The following CILK1 variants were observed in gnomAD, a reference collection of about 807,000 sequenced individuals.
CILK1 encodes the protein ciliogenesis associated kinase 1.
In CILK1, 47 loss-of-function variants were observed where a neutral mutation model predicts 79.2. That is an observed-to-expected ratio of 0.59 (90% CI 0.47 to 0.76). CILK1 has a LOEUF of 0.76. Among genes scored for constraint, CILK1 ranks in the 30% least tolerant of loss-of-function variants. CILK1 has a pLI of 0.00. For synonymous variants in CILK1, 266 were observed against 275.9 expected (o/e 0.96, Z 0.36); for missense variants, 660 against 769.5 (o/e 0.86, Z 1.68).
intron 1 of CILK1, among the ~76,000 whole-genome samples, chr6:53,045,635 A>C (rs564509131): frequency 6.6e-6 from 1 of 152,156 alleles, no homozygotes; most frequent in Non-Finnish European, 1.5e-5. Flanking sequence ...GGTGTATTAA[A>C]TGTATTTTTG....
intron 5 of CILK1, among the ~76,000 whole-genome samples, chr6:53,021,857 G>C (rs942405437): frequency 6.6e-6 from 1 of 151,304 alleles, no homozygotes; most frequent in African/African-American, 2.4e-5. Context: ...GAGGTACCTA[G>C]AAGGCTTTGT....
intron 1 of CILK1, among the ~76,000 whole-genome samples, chr6:53,044,674 A>C (rs1239420038): frequency 1.3e-5 from 2 of 152,188 alleles, no homozygotes; most frequent in East Asian, 3.8e-4. Flanking sequence ...CACATGTTAA[A>C]GCCCTAACCT....
Position 53,016,107 on chromosome 6 carries a change from G to T in CILK1, c.807C>A (p.Pro269=), listed in dbSNP as rs748908458. Residue 269 remains proline (P), a synonymous_variant, in exon 8 of 14, where the codon CCC becomes CCA. Coordinates refer to ENST00000676107, the MANE Select transcript of CILK1 (RefSeq NM_014920.5). ...QLLRDMLQWD[P]KKRPTASQAL... is the part of the protein sequence containing the mutation. The stretch of plus-strand genomic sequence containing the variant: ...CCTGACTAGCTGTTGGTCGTTTCTT[G>T]GGATCCCACTGAAGCATGTCTCTCA... 15 of 1,613,946 alleles carry T rather than the reference G, an allele frequency of 9.3e-6. No individual in the cohort carries two copies. In the East Asian group the frequency reaches 3.3e-4, roughly 36 times the overall value.
chr6:53,034,639 T>C (rs576851668), intron 3 of CILK1, among the ~76,000 whole-genome samples: 1 of 152,132 alleles, frequency 6.6e-6, no homozygotes, highest in East Asian at 1.9e-4. Flanking sequence ...AAAACAACAA[T>C]GTACTGGGCC....
At chr6:53,029,756 A>G (rs944085486) in intron 5 of CILK1, among the ~76,000 whole-genome samples, 3 of 152,200 alleles carry the variant, frequency 2.0e-5, no homozygotes, top group African/African-American at 7.2e-5. Flanking sequence ...AACTGACTAT[A>G]TTATCAAAGG....
At chr6:53,012,332 G>T in intron 9 of CILK1, 105 bp from the exon 10 acceptor site, 1 of 1,004,200 alleles carries the variant, frequency 1.0e-6, no homozygotes, top group East Asian at 2.6e-5. Context: ...GGAGGCTCCT[G>T]GGGCATAACA....
In CILK1 at chr6:53,004,672, A is replaced by G. The variant is rs1482172569; in HGVS notation, c.*477T>C. 6.3e-6 allele frequency: 1 copy of G among 159,728 alleles called. No homozygotes were observed. Among genetic ancestry groups the G allele is most frequent in the Non-Finnish European group, 1.4e-5 (1 of 72,154 alleles). The allele number at this position is 159,728 out of a possible 1,614,324, so 9.9% of individuals were successfully genotyped here. On this transcript the variant is annotated 3_prime_UTR_variant, in exon 14 of 14. Transcript: ENST00000676107. The stretch of plus-strand genomic sequence containing the variant: ...GAAGTACCTAGTGAGCCACACTTGA[A>G]ATTTCACCACTTCATAAATATCTGC...
chr6:53,044,490 T>C (rs1014024622), intron 1 of CILK1, among the ~76,000 whole-genome samples: 3 of 152,196 alleles, frequency 2.0e-5, no homozygotes, highest in East Asian at 1.9e-4. Context: ...TCTTGGGAAA[T>C]ATACTCTGAA....
At chr6:53,018,271 C>T (rs532147659) in intron 7 of CILK1, 59 bp downstream of exon 7, 288 of 1,519,766 alleles carry the variant, frequency 1.9e-4, no homozygotes, top group Middle Eastern at 5.8e-4. Flanking sequence ...CAGGGCTGAG[C>T]GGAGGAAGCA....
intron 5 of CILK1, among the ~76,000 whole-genome samples, chr6:53,029,087 A>C (rs1335214200): frequency 6.6e-6 from 1 of 152,192 alleles, no homozygotes; most frequent in Non-Finnish European, 1.5e-5. Flanking sequence ...AAAGAATATT[A>C]ACTTTTGTTT....
intron 1 of CILK1, among the ~76,000 whole-genome samples, chr6:53,049,394 G>A (rs145616316): frequency 1.2e-4 from 18 of 152,330 alleles, no homozygotes; most frequent in Non-Finnish European, 2.6e-4. Context: ...TTAGCCTAAT[G>A]TTCATTTGCT....
intron 1 of CILK1, among the ~76,000 whole-genome samples, chr6:53,053,996 GAA>G (rs373868573): frequency 3.0e-4 from 44 of 147,568 alleles, no homozygotes; most frequent in Non-Finnish European, 5.1e-4. Context: ...ATTTGTCTAA[GAA>G]AAAAAAAAGG....
At chr6:53,006,217 T>C in intron 13 of CILK1, 98 bp downstream of exon 13, 1 of 1,150,110 alleles carries the variant, frequency 8.7e-7, no homozygotes, top group Non-Finnish European at 1.3e-6. Flanking sequence ...AAGTTTCATT[T>C]ATTGGTGGAT....
At chr6:53,027,913 C>T (rs890171885) in intron 5 of CILK1, among the ~76,000 whole-genome samples, 10 of 151,936 alleles carry the variant, frequency 6.6e-5, no homozygotes, top group African/African-American at 2.2e-4. Context: ...TTTGGGAGGC[C>T]GAGGCGGGTG....
At chr6:53,023,842 G>C (rs542107811) in intron 5 of CILK1, among the ~76,000 whole-genome samples, 50 of 152,260 alleles carry the variant, frequency 3.3e-4, no homozygotes, top group African/African-American at 1.1e-3. Flanking sequence ...GCATAATGGC[G>C]GATCTGTAGG....
intron 1 of CILK1, among the ~76,000 whole-genome samples, chr6:53,047,945 C>T (rs1347093055): frequency 6.6e-6 from 1 of 151,768 alleles, no homozygotes; most frequent in Non-Finnish European, 1.5e-5. Context: ...ACTGGAGATG[C>T]TCAATAAGCA....
At chr6:53,061,533 C>G (rs1365204213) in intron 1 of CILK1, 63 bp downstream of exon 1, 1 of 152,450 alleles carries the variant, frequency 6.6e-6, no homozygotes, top group Non-Finnish European at 1.5e-5. Flanking sequence ...CCGCCCCATC[C>G]CAGCAGCTAC....
chr6:53,005,227 C>A lies in CILK1; in HGVS notation c.1821G>T (p.Gly607=), dbSNP rs755080568. 1 of 1,614,188 alleles carries A rather than the reference C, an allele frequency of 6.2e-7. No homozygotes were observed. The highest frequency in any genetic ancestry group is 1.1e-5 in the South Asian group (1 of 91,086). ...FFHTQPRSTP[G]LIPRPPAAQP... is the part of the protein sequence containing the mutation. ...GGGCGGCTGGAGGCCGTGGTATCAA[C>A]CCAGGAGTGCTTCTAGGCTGGGTGT... Residue 607 remains glycine (G), a synonymous_variant, in exon 14 of 14, where the codon GGG becomes GGT. Coordinates refer to ENST00000676107, the MANE Select transcript of CILK1 (RefSeq NM_014920.5).
At chr6:53,058,045 G>A (rs374256689) in intron 1 of CILK1, among the ~76,000 whole-genome samples, 2 of 152,118 alleles carry the variant, frequency 1.3e-5, no homozygotes, top group African/African-American at 4.8e-5. Flanking sequence ...TAAGTCCCAC[G>A]ACAAGACACT....
Sources: allele counts gnomAD v4.1 joint callset (sites outside exome capture counted in the v4.1 genomes callset), GRCh38; gene constraint gnomAD v4.1.1; transcripts MANE v1.5; gene names NCBI Gene and HGNC (gene_info 2026-07-23, HGNC 2026-07-21).